Variants in ABCB1 observed in about 807,000 individuals in gnomAD.
ABCB1 encodes ATP-dependent translocase ABCB1.
A neutral mutation model predicts 142.0 loss-of-function variants in ABCB1; 69 were observed. The ratio of observed to expected loss-of-function variants is 0.49; its 90% CI spans 0.40 to 0.59. The LOEUF is 0.59. Among genes scored for constraint, ABCB1 ranks in the 20% least tolerant of loss-of-function variants. The pLI is 0.00. For missense variants in ABCB1, 1,326 were observed against 1,554.7 expected, an observed-to-expected ratio of 0.85 and a Z score of 2.47; for synonymous variants, 532 against 539.2, an observed-to-expected ratio of 0.99 and a Z score of 0.18.
intron 1 of ABCB1, among the ~76,000 whole-genome samples, chr7:87,711,590 T>A (rs1315305139): frequency 3.3e-5 from 5 of 152,114 alleles, no homozygotes; most frequent in African/African-American, 9.7e-5. Context: ...TCAAAAGTAT[T>A]TGTAAATGAA....
chr7:87,629,670 G>T (rs1821000402), intron 1 of ABCB1, among the ~76,000 whole-genome samples: 1 of 152,168 alleles, frequency 6.6e-6, no homozygotes. Flanking sequence ...GCTTACACCT[G>T]TAATCCTAGC....
chr7:87,626,288 ATATATGTGTCATATATATGTGTCG>A lies in ABCB1; in HGVS notation c.-330-25234_-330-25211del, dbSNP rs1563080244. Among the ~76,000 whole-genome samples, 131 of 48,466 alleles carry A rather than the reference ATATATGTGTCATATATATGTGTCG, an allele frequency of 2.7e-3. 23 individuals are homozygous for A. Among genetic ancestry groups the A allele is most frequent in the Middle Eastern group, 0.034 (2 of 58 alleles). 31.8% of individuals were successfully genotyped at this position (48,466 alleles called of 152,430 possible). A position where few individuals can be genotyped will look rare whatever the true frequency, so the allele number is the denominator to read the frequency against. On this transcript the variant is annotated intron_variant, in intron 1 of 28. Coordinates refer to the ABCB1 transcript ENST00000265724. ...CATATATGTGTCATATATATGTGTC[ATATATGTGTCATATATATGTGTCG>A]TATATGTGTCATATATATGTGTCGT...
chr7:87,711,820 G>A (rs1005741814), intron 1 of ABCB1, among the ~76,000 whole-genome samples: 11 of 152,186 alleles, frequency 7.2e-5, no homozygotes, highest in African/African-American at 2.2e-4. Context: ...TCTATTGGTC[G>A]GAGCTGCCTG....
intron 19 of ABCB1, among the ~76,000 whole-genome samples, chr7:87,538,813 G>T (rs925307412): frequency 1.3e-5 from 2 of 152,056 alleles, no homozygotes; most frequent in Non-Finnish European, 2.9e-5. Flanking sequence ...TTTCAGACTA[G>T]CCTCAGAAAA....
chr7:87,529,811 A>G (rs1234102539), intron 21 of ABCB1, among the ~76,000 whole-genome samples: 6 of 152,194 alleles, frequency 3.9e-5, no homozygotes, highest in African/African-American at 1.2e-4. Flanking sequence ...CCAAAGTACA[A>G]TATTAAAGGA....
At chr7:87,565,494 G>C (rs184664542) in intron 7 of ABCB1, 2 of 454,710 alleles carry the variant, frequency 4.4e-6, no homozygotes, top group Non-Finnish European at 8.8e-6. Flanking sequence ...GAAGGCCAAG[G>C]ATTTATATGC....
rs146113075 is a variant in ABCB1, at chr7:87,641,531, C to T, written c.-330-40453G>A. On this transcript the variant is annotated intron_variant, in intron 1 of 28. Coordinates refer to the ABCB1 transcript ENST00000265724. ...CCCTTCCTCCAGCAAGCCAAAACAA[C>T]AAAATGCACTGATTTGGGGGCGACA... is the stretch of plus-strand genomic sequence containing the variant. 2.7e-3 allele frequency among the ~76,000 whole-genome samples: 418 copies of T among 152,230 alleles called. 3 individuals carry two copies. The highest frequency in any genetic ancestry group is 9.4e-3 in the African/African-American group (390 of 41,524).
intron 1 of ABCB1, among the ~76,000 whole-genome samples, chr7:87,615,433 A>C (rs899281500): frequency 1.3e-5 from 2 of 152,206 alleles, no homozygotes; most frequent in African/African-American, 4.8e-5. Flanking sequence ...TGTGTAGGCT[A>C]TCTTGAGGAC....
At chr7:87,595,865 T>C (rs772132242) in intron 2 of ABCB1, 51 bp from the exon 3 acceptor site, 5 of 1,396,260 alleles carry the variant, frequency 3.6e-6, no homozygotes, top group Non-Finnish European at 5.1e-6. Context: ...ACATATTTTT[T>C]AAATTACCCA....
chr7:87,544,272 C>T lies in ABCB1; in HGVS notation c.2068G>A (p.Glu690Lys), dbSNP rs921088140. ...CAAAAGGAAACTGGAGGTATACTTT[C>T]ATCCTAGAAAACACAAATTATTACA... Reference protein sequence around the residue: ...RKLSTKEALDESIPPVSFWRI... With the variant: ...RKLSTKEALDKSIPPVSFWRI... Residue 690 changes from glutamate (E) to lysine (K), a missense_variant, in exon 17 of 28, where the codon GAA becomes AAA. Transcript: ENST00000622132. 6.2e-7 allele frequency: 1 copy of T among 1,612,512 alleles called. No individual in the cohort carries two copies. Among genetic ancestry groups the T allele is most frequent in the African/African-American group, 1.3e-5 (1 of 74,866 alleles).
chr7:87,569,591 T>C (rs1027982253), intron 5 of ABCB1, among the ~76,000 whole-genome samples: 1 of 152,210 alleles, frequency 6.6e-6, no homozygotes, highest in Admixed American at 6.5e-5. Flanking sequence ...AAAAAAAATT[T>C]CTTTTGGCTG....
At chr7:87,582,187 G>A (rs1205007420) in intron 4 of ABCB1, among the ~76,000 whole-genome samples, 1 of 152,198 alleles carries the variant, frequency 6.6e-6, no homozygotes, top group Non-Finnish European at 1.5e-5. Context: ...AGGAGTGGCA[G>A]TGAGGGAAGG....
At chr7:87,664,008 G>T (rs528771938) in intron 1 of ABCB1, among the ~76,000 whole-genome samples, 3 of 152,080 alleles carry the variant, frequency 2.0e-5, no homozygotes, top group Non-Finnish European at 4.4e-5. Context: ...ATATATTGGG[G>T]ATAGGACTTA....
intron 19 of ABCB1, among the ~76,000 whole-genome samples, chr7:87,538,115 C>T (rs575957617): frequency 7.9e-5 from 12 of 152,310 alleles, no homozygotes; most frequent in African/African-American, 2.9e-4. Flanking sequence ...TTAATAAATG[C>T]TTGCCCTACT....
At chr7:87,643,170 G>A (rs1011060825) in intron 1 of ABCB1, among the ~76,000 whole-genome samples, 5 of 152,204 alleles carry the variant, frequency 3.3e-5, no homozygotes, top group African/African-American at 1.2e-4. Context: ...GCTTTGCAAA[G>A]TGTTGGGATT....
intron 9 of ABCB1, among the ~76,000 whole-genome samples, chr7:87,552,213 T>G (rs577740483): frequency 6.6e-6 from 1 of 152,354 alleles, no homozygotes; most frequent in Non-Finnish European, 1.5e-5. Context: ...TGGTAAAGAC[T>G]TAACTGTGTT....
chr7:87,566,674 T>C, intron 6 of ABCB1, 111 bp downstream of exon 6: 1 of 1,125,978 alleles, frequency 8.9e-7, no homozygotes, highest in Non-Finnish European at 1.3e-6. Context: ...TTTTGTCTCA[T>C]AAGTACCTTT....
intron 1 of ABCB1, among the ~76,000 whole-genome samples, chr7:87,613,404 A>C (rs978790262): frequency 1.3e-5 from 2 of 151,874 alleles, no homozygotes; most frequent in Non-Finnish European, 2.9e-5. Context: ...CCAAAAAGAC[A>C]TATGTGCTTA....
intron 4 of ABCB1, among the ~76,000 whole-genome samples, chr7:87,572,391 A>C (rs1484873286): frequency 1.3e-5 from 2 of 152,222 alleles, no homozygotes; most frequent in East Asian, 1.9e-4. Flanking sequence ...TAGCTCAAAA[A>C]GTAAAAAATT....
Sources: allele counts gnomAD v4.1 joint callset (sites outside exome capture counted in the v4.1 genomes callset), GRCh38; gene constraint gnomAD v4.1.1; transcripts MANE v1.5; gene names NCBI Gene and HGNC (gene_info 2026-07-23, HGNC 2026-07-21).